The following JUP variants were observed in gnomAD, a reference collection of about 807,000 sequenced individuals.
JUP encodes the protein junction plakoglobin.
JUP carries 28 observed loss-of-function variants against 71.1 expected under a neutral mutation model. The ratio of observed to expected loss-of-function variants is 0.39; its 90% CI spans 0.29 to 0.54. The LOEUF (loss-of-function observed/expected upper bound fraction) is 0.54, where lower values mean the gene tolerates loss of function less well. JUP is among the 20% of genes least tolerant of loss of function. The probability of loss-of-function intolerance (pLI) is 0.62; values close to 1 mark genes in which losing one functional copy is unlikely to be tolerated. For missense variants in JUP, 869 were observed against 1,030.1 expected (o/e 0.84, Z 2.14); for synonymous variants, 401 against 438.9 (o/e 0.91, Z 1.08).
At chr17:41,782,576 T>C (rs1489708774) in intron 1 of JUP, among the ~76,000 whole-genome samples, 1 of 151,928 alleles carries the variant, frequency 6.6e-6, no homozygotes, top group Non-Finnish European at 1.5e-5. Flanking sequence ...GACCCCTGCC[T>C]CCTCTTTCCC....
At chr17:41,772,028 G>A (rs554940904) in intron 1 of JUP, among the ~76,000 whole-genome samples, 166 bp from the exon 2 acceptor site, 34 of 152,296 alleles carry the variant, frequency 2.2e-4, no homozygotes, top group African/African-American at 7.7e-4. Flanking sequence ...AGGGCACCAG[G>A]CCCAGGGAGG....
chr17:41,771,555 G>T, intron 2 of JUP, 92 bp downstream of exon 2: 2 of 1,180,282 alleles, frequency 1.7e-6, no homozygotes, highest in Non-Finnish European at 2.5e-6. Context: ...TCAGACCAGA[G>T]ACCCCCTACA....
rs1395283149 is a variant in JUP at position 41,758,525 on chromosome 17, G to A, written c.1654-7C>T. The A allele has an allele frequency of 4.4e-6, 7 of 1,607,472 alleles. No individual in the cohort carries two copies. In the African/African-American group the frequency reaches 9.4e-5, roughly 21 times the overall value. ...CCTCCATCCTCACACCATCCTGTGT[G>A]AGAGGAGGCAGGGGGCATGGGACAG... On this transcript the variant is annotated splice_polypyrimidine_tract_variant and splice_region_variant and intron_variant, in intron 9 of 13. Coordinates refer to ENST00000393931, the MANE Select transcript of JUP (RefSeq NM_002230.4).
At chr17:41,766,037 T>C (rs1415954845) in intron 5 of JUP, among the ~76,000 whole-genome samples, 2 of 152,154 alleles carry the variant, frequency 1.3e-5, no homozygotes, top group Non-Finnish European at 2.9e-5. Context: ...GGAGGATTCC[T>C]TGAGGGTAGC....
chr17:41,775,883 G>T, intron 1 of JUP: 1 of 750,106 alleles, frequency 1.3e-6, no homozygotes, highest in African/African-American at 1.9e-5. Context: ...CCTCTGCGCA[G>T]CCAACCCAGA....
chr17:41,755,478 C>T lies in JUP; in HGVS notation c.*266G>A. 2.3e-6 allele frequency: 1 copy of T among 427,662 alleles called. No individual in the cohort carries two copies. Among genetic ancestry groups the T allele is most frequent in the Non-Finnish European group, 4.1e-6 (1 of 243,062 alleles). The allele number at this position is 427,662 out of a possible 1,614,324, so 26.5% of individuals were successfully genotyped here. On this transcript the variant is annotated 3_prime_UTR_variant, in exon 14 of 14. Coordinates refer to ENST00000393931, the MANE Select transcript of JUP (RefSeq NM_002230.4). ...GACAGGGGTCAGGGGCTCGGTGGAC[C>T]TGCATCCCCAGAAGCTCAAGCCACT... is the stretch of plus-strand genomic sequence containing the variant.
Position 41,757,511 on chromosome 17 carries a change from G to A in JUP, c.1950C>T (p.Phe650=). The A allele has an allele frequency of 1.9e-6, 3 of 1,614,214 alleles. No individual in the cohort carries two copies. The highest frequency in any genetic ancestry group is 2.5e-6 in the Non-Finnish European group (3 of 1,180,042). Residue 650 remains phenylalanine, a synonymous_variant, in exon 12 of 14, where the codon TTC becomes TTT. Transcript: ENST00000393931. The part of the protein sequence containing the change: ...GTATYAAAVL[F]RISEDKNPDY... ...CTGGGTTCTTGTCCTCGGAGATGCGGAACAGGACGGCAGCAGCGTAGGTGG... is the reference window on the plus strand; with the variant it reads ...CTGGGTTCTTGTCCTCGGAGATGCGAAACAGGACGGCAGCAGCGTAGGTGG...
chr17:41,764,892 C>T, intron 6 of JUP, 31 bp downstream of exon 6: 1 of 1,613,994 alleles, frequency 6.2e-7, no homozygotes, highest in South Asian at 1.1e-5. Flanking sequence ...AGAGCTCCCA[C>T]CCCAGCCGCC....
chr17:41,757,431 G>C lies in JUP; in HGVS notation c.2030C>G (p.Pro677Arg). 1 of 1,614,238 alleles carries C rather than the reference G, an allele frequency of 6.2e-7. No homozygotes were observed. Among genetic ancestry groups the C allele is most frequent in the Non-Finnish European group, 8.5e-7 (1 of 1,180,040 alleles). ...ELTNSLFKHD[P>R]AAWEAAQSMI... is the part of the protein sequence containing the mutation. Reference sequence around the variant, plus strand: ...GATACTCACAGCCTCCCAGGCAGCCGGGTCATGCTTGAAGAGGGAGTTGGT... The same window carrying C: ...GATACTCACAGCCTCCCAGGCAGCCCGGTCATGCTTGAAGAGGGAGTTGGT... Residue 677 changes from proline (P) to arginine (R), a missense_variant, in exon 12 of 14, where the codon CCG becomes CGG. Pro to Arg is a moderately radical substitution (Grantham distance 103). Coordinates refer to ENST00000393931, the MANE Select transcript of JUP (RefSeq NM_002230.4).
In JUP at chr17:41,767,290, G is replaced by C; in HGVS notation, c.909+89C>G. The C allele has an allele frequency of 2.9e-6, 3 of 1,035,414 alleles. No individual in the cohort carries two copies. The South Asian group carries it at 3.8e-5, about 13-fold the overall frequency. 64.1% of individuals were successfully genotyped at this position (1,035,414 alleles called of 1,614,324 possible). On this transcript the variant is annotated intron_variant, in intron 5 of 13. Coordinates refer to ENST00000393931, the MANE Select transcript of JUP (RefSeq NM_002230.4). ...TCTGCACCTATATCTCATCTAAAAG[G>C]AGTAAGGGGGCAGCGGCCCAAGGCT... is the stretch of plus-strand genomic sequence containing the variant.
chr17:41,766,305 GGGAA>G lies in JUP; in HGVS notation c.909+1070_909+1073del, dbSNP rs55663154. On this transcript the variant is annotated intron_variant, in intron 5 of 13. Coordinates refer to ENST00000393931, the MANE Select transcript of JUP (RefSeq NM_002230.4). ...AGGAAGGAAGAAAGAGAGGAAGAGA[GGGAA>G]AGGAAAAGGAAAAGGAAAAGGAAAA... Among the ~76,000 whole-genome samples, 1,440 of 149,602 alleles carry G rather than the reference GGGAA, an allele frequency of 9.6e-3. 14 individuals are homozygous for G. Among genetic ancestry groups the G allele is most frequent in the East Asian group, 0.051 (258 of 5,062 alleles).
chr17:41,755,253 C>T lies in JUP; in HGVS notation c.*491G>A. Reference sequence around the variant, plus strand: ...CAGGGGCGGGGAGGGGGTGTCAGGCCCTGGACCCATGCCCAGGACAGAAAA... The same window carrying T: ...CAGGGGCGGGGAGGGGGTGTCAGGCTCTGGACCCATGCCCAGGACAGAAAA... On this transcript the variant is annotated 3_prime_UTR_variant, in exon 14 of 14. Transcript: ENST00000393931. 2.5e-6 allele frequency: 1 copy of T among 399,372 alleles called. No individual in the cohort carries two copies. The allele number at this position is 399,372 out of a possible 1,614,324, so 24.7% of individuals were successfully genotyped here. A position where few individuals can be genotyped will look rare whatever the true frequency, so the allele number is the denominator to read the frequency against.
chr17:41,767,331 T>C (rs368946933), intron 5 of JUP, 48 bp downstream of exon 5: 56 of 1,526,734 alleles, frequency 3.7e-5, no homozygotes, highest in Non-Finnish European at 4.8e-5. Flanking sequence ...GGATAGAAGA[T>C]GGCGCAAGGG....
intron 1 of JUP, among the ~76,000 whole-genome samples, chr17:41,778,783 T>C (rs1176183810): frequency 6.6e-6 from 1 of 151,680 alleles, no homozygotes; most frequent in Non-Finnish European, 1.5e-5. Context: ...TGTTAGCGGG[T>C]GCCTGTAGTC....
chr17:41,775,105 C>CA (rs782000280), intron 1 of JUP, among the ~76,000 whole-genome samples: 1,457 of 126,172 alleles, frequency 0.012, 8 homozygotes, highest in Non-Finnish European at 0.016. Context: ...GACCCTGTCT[C>CA]AAAAAAAAAA....
rs782653485 is a variant in JUP at position 41,758,419 on chromosome 17, T to C, written c.1753A>G (p.Thr585Ala). ...MNRMEIFRLN[T>A]IPLFVQLLYS... Reference sequence around the variant, plus strand: ...CTCACCTGCACAAACAGGGGAATGGTGTTGAGCCGGAAGATCTCCATGCGG... The same window carrying C: ...CTCACCTGCACAAACAGGGGAATGGCGTTGAGCCGGAAGATCTCCATGCGG... The change falls in exon 10 of 14, where the codon ACC (threonine) becomes GCC (alanine). Residue 585 changes from threonine to alanine, a missense_variant. Physicochemically the swap from Thr to Ala is moderately conservative, Grantham distance 58. Coordinates refer to ENST00000393931, the MANE Select transcript of JUP (RefSeq NM_002230.4). 1.9e-5 allele frequency: 30 copies of C among 1,613,242 alleles called. No homozygotes were observed. Among genetic ancestry groups the C allele is most frequent in the Non-Finnish European group, 2.1e-5 (25 of 1,179,994 alleles).
chr17:41,770,646 C>G (rs12936463), intron 2 of JUP, among the ~76,000 whole-genome samples: 1,993 of 152,350 alleles, frequency 0.013, 17 homozygotes, highest in Non-Finnish European at 0.02. Flanking sequence ...CAGCCCACCC[C>G]CTGGCATGTT....
rs1171511931 is a variant in JUP at position 41,771,758 on chromosome 17, A to G, written c.97T>C (p.Cys33Arg). 1.2e-6 allele frequency: 2 copies of G among 1,613,986 alleles called. No individual in the cohort carries two copies. The highest frequency in any genetic ancestry group is 2.2e-5 in the East Asian group (1 of 44,888). Residue 33 changes from cysteine (C) to arginine (R), a missense_variant, in exon 2 of 14, where the codon TGC (cysteine) becomes CGC (arginine). By Grantham distance (180) the Cys-to-Arg change is radical (BLOSUM62 -3). Transcript: ENST00000393931. ...CCCTTGCTGCTGACGGAGGGCACGC[A>G]GGTGTTGGCGCCCGAGTGGATACCC... Reference protein sequence around the residue: ...DSGIHSGANTCVPSVSSKGIM... With the variant: ...DSGIHSGANTRVPSVSSKGIM...
At position 41,755,412 on chromosome 17, in the gene JUP, C is replaced by A; in HGVS notation, c.*332G>T. 2.4e-6 allele frequency: 1 copy of A among 409,618 alleles called. No individual in the cohort carries two copies. The highest frequency in any genetic ancestry group is 4.1e-5 in the Admixed American group (1 of 24,262). 25.4% of individuals were successfully genotyped at this position (409,618 alleles called of 1,614,324 possible). A position where few individuals can be genotyped will look rare whatever the true frequency, so the allele number is the denominator to read the frequency against. On this transcript the variant is annotated 3_prime_UTR_variant, in exon 14 of 14. Coordinates refer to ENST00000393931, the MANE Select transcript of JUP (RefSeq NM_002230.4). ...TTGCCCCATCGCCTGCACGGAGAGC[C>A]TCTCAGATGAGGAACCGCACCTGTT...
Sources: allele counts gnomAD v4.1 joint callset (sites outside exome capture counted in the v4.1 genomes callset), GRCh38; gene constraint gnomAD v4.1.1; transcripts MANE v1.5; gene names NCBI Gene and HGNC (gene_info 2026-07-23, HGNC 2026-07-21).